TELO2: variants seen among roughly 807,000 people sequenced by gnomAD.
The protein encoded by TELO2 is telomere length regulation protein TEL2 homolog.
Under a neutral mutation model 91.0 loss-of-function variants are expected in TELO2, and 71 were observed. The observed-to-expected ratio is 0.78, with a 90% CI of 0.64 to 0.95. TELO2 has a LOEUF of 0.95. Ranked by LOEUF, TELO2 falls within the 40% of genes least tolerant of loss-of-function variation. The pLI is 0.00. For missense variants in TELO2, 1,183 were observed against 1,141.3 expected (o/e 1.04, Z -0.53); for synonymous variants, 584 against 518.9 (o/e 1.13, Z -1.71).
At chr16:1,504,433 C>CAAAAAAA (rs1197074771) in intron 15 of TELO2, among the ~76,000 whole-genome samples, 1 of 26,924 alleles carries the variant, frequency 3.7e-5, no homozygotes, top group East Asian at 9.9e-4. Flanking sequence ...GACTCCATCT[C>CAAAAAAA]AAAAAAAAAA....
Position 1,510,050 on chromosome 16 carries a change from G to A in TELO2, c.*114G>A, listed in dbSNP as rs549879764. The A allele has an allele frequency of 7.6e-5, 66 of 864,982 alleles. No individual in the cohort carries two copies. The highest frequency in any genetic ancestry group is 6.0e-4 in the South Asian group (37 of 62,184). 53.6% of individuals were successfully genotyped at this position (864,982 alleles called of 1,614,324 possible). A position where few individuals can be genotyped will look rare whatever the true frequency, so the allele number is the denominator to read the frequency against. ...CGAGGCCAGGTCTTCGGCCGCATCCGGTACGGAGAGTGCAGATGCAGGAAG... is the reference window on the plus strand; with the variant it reads ...CGAGGCCAGGTCTTCGGCCGCATCCAGTACGGAGAGTGCAGATGCAGGAAG... On this transcript the variant is annotated 3_prime_UTR_variant, in exon 21 of 21. Coordinates refer to ENST00000262319, the MANE Select transcript of TELO2 (RefSeq NM_016111.4).
chr16:1,502,148 C>T lies in TELO2; in HGVS notation c.1561+13C>T, dbSNP rs1596261859. On this transcript the variant is annotated intron_variant, in intron 12 of 20. Transcript: ENST00000262319. ...GACTGCGTGGAAGGTGGGCACGGGC[C>T]CCTGGAGGGCCTTGCTGGGCTGGGC... is the stretch of plus-strand genomic sequence containing the variant. 6.2e-7 allele frequency: 1 copy of T among 1,612,394 alleles called. No homozygotes were observed. The highest frequency in any genetic ancestry group is 8.5e-7 in the Non-Finnish European group (1 of 1,179,860).
At position 1,494,396 on chromosome 16, in the gene TELO2, C is replaced by G; in HGVS notation, c.115C>G (p.Leu39Val). 2 of 1,613,600 alleles carry G rather than the reference C, an allele frequency of 1.2e-6. No homozygotes were observed. Among genetic ancestry groups the G allele is most frequent in the Non-Finnish European group, 1.7e-6 (2 of 1,180,010 alleles). The change falls in exon 2 of 21, where the codon CTC becomes GTC. Residue 39 changes from leucine to valine, a missense_variant. Coordinates refer to ENST00000262319, the MANE Select transcript of TELO2 (RefSeq NM_016111.4). This position sits in a 1 kb window ranked among gnomAD's most constrained non-coding sequence, Gnocchi z 5.6. ...FCTLESLKRYLGEMEPPALPR... is the reference protein window; with the variant it reads ...FCTLESLKRYVGEMEPPALPR... Reference sequence around the variant, plus strand: ...CACCCTGGAGTCCCTGAAGCGGTATCTCGGTGAGATGGAGCCTCCAGCGCT... The same window carrying G: ...CACCCTGGAGTCCCTGAAGCGGTATGTCGGTGAGATGGAGCCTCCAGCGCT...
At position 1,505,596 on chromosome 16, in the gene TELO2, T is replaced by C. The variant is rs771179114; in HGVS notation, c.2029T>C (p.Ser677Pro). 1 of 1,490,826 alleles carries C rather than the reference T, an allele frequency of 6.7e-7. No homozygotes were observed. Among genetic ancestry groups the C allele is most frequent in the Admixed American group, 1.8e-5 (1 of 56,688 alleles). The allele number at this position is 1,490,826 out of a possible 1,614,324, so 92.3% of individuals were successfully genotyped here. The change falls in exon 16 of 21, where the codon TCC becomes CCC. Residue 677 changes from serine to proline, a missense_variant. Physicochemically the swap from Ser to Pro is moderately conservative, Grantham distance 74 (BLOSUM62 -1). Coordinates refer to ENST00000262319, the MANE Select transcript of TELO2 (RefSeq NM_016111.4). This position sits in a 1 kb window ranked among gnomAD's most constrained non-coding sequence, Gnocchi z 4.3. ...GATCAGAAGCAAGACCCAGCGGCTC[T>C]CCAAGGTTAGTGGCGCCTGGTCAGC... ...ERIRSKTQRL[S>P]KGGPRQGPAG...
At chr16:1,507,152 G>A in intron 18 of TELO2, 101 bp downstream of exon 18, 3 of 1,494,564 alleles carry the variant, frequency 2.0e-6, no homozygotes, top group Non-Finnish European at 2.7e-6. Flanking sequence ...TGAGGGAGGG[G>A]CTGCCTGTGT....
At chr16:1,500,043 G>A (rs909767361) in intron 6 of TELO2, 53 bp from the exon 7 acceptor site, 43 of 1,570,832 alleles carry the variant, frequency 2.7e-5, no homozygotes, top group Non-Finnish European at 3.4e-5. Context: ...GGAGCCCCGG[G>A]CTGGCCAGGC....
In TELO2 at chr16:1,505,345, C is replaced by T; in HGVS notation, c.1843-65C>T. 1.9e-6 allele frequency: 3 copies of T among 1,544,166 alleles called. No homozygotes were observed. The highest frequency in any genetic ancestry group is 2.0e-4 in the Middle Eastern group (1 of 5,032). On this transcript the variant is annotated intron_variant, in intron 15 of 20. Transcript: ENST00000262319. The surrounding 1 kb of genome is among the most constrained non-coding windows in gnomAD (Gnocchi z 4.3). ...GGCCCGTTTCTGGGGCTTTGGCTGA[C>T]TTGACTCTTGGGAAATGTTCTTCCC...
Position 1,494,895 on chromosome 16 carries a change from G to A in TELO2, c.335+279G>A, listed in dbSNP as rs113942377. On this transcript the variant is annotated intron_variant, in intron 2 of 20. Transcript: ENST00000262319. The surrounding 1 kb of genome is among the most constrained non-coding windows in gnomAD (Gnocchi z 5.6). Reference sequence around the variant, plus strand: ...ACATCCCAGGCGGCAGAGGCAGCCCGTCAGCTGGGGACGTTCCAGGTTTTC... The same window carrying A: ...ACATCCCAGGCGGCAGAGGCAGCCCATCAGCTGGGGACGTTCCAGGTTTTC... Among the ~76,000 whole-genome samples the A allele has an allele frequency of 2.6e-5, 4 of 152,312 alleles. No individual in the cohort carries two copies. The highest frequency in any genetic ancestry group is 3.9e-4 in the East Asian group (2 of 5,188).
chr16:1,507,232 G>A (rs993150651), intron 18 of TELO2, 74 bp from the exon 19 acceptor site: 40 of 1,569,096 alleles, frequency 2.5e-5, no homozygotes, highest in African/African-American at 8.1e-5. Flanking sequence ...GCCCAGCAGC[G>A]GAAGCCGCCC....
Position 1,507,884 on chromosome 16 carries a change from G to A in TELO2, c.2407+168G>A, listed in dbSNP as rs909859992. Reference sequence around the variant, plus strand: ...TGTGTGTGTGTGTGTGTGTGTGTGTGTGTGTGTGTGATGTGTGTCGGCCCG... The same window carrying A: ...TGTGTGTGTGTGTGTGTGTGTGTGTATGTGTGTGTGATGTGTGTCGGCCCG... On this transcript the variant is annotated intron_variant, in intron 20 of 20. Coordinates refer to ENST00000262319, the MANE Select transcript of TELO2 (RefSeq NM_016111.4). Among the ~76,000 whole-genome samples the A allele has an allele frequency of 7.6e-3, 800 of 105,814 alleles. 12 individuals carry two copies. The highest frequency in any genetic ancestry group is 0.036 in the African/African-American group (764 of 21,106). 69.4% of individuals were successfully genotyped at this position (105,814 alleles called of 152,430 possible).
At chr16:1,500,722 G>A (rs746897652) in intron 9 of TELO2, 23 bp downstream of exon 9, 35 of 1,609,824 alleles carry the variant, frequency 2.2e-5, no homozygotes, top group African/African-American at 4.0e-5. Flanking sequence ...TCCCCTCCGC[G>A]TCCCCGTGTG....
intron 3 of TELO2, among the ~76,000 whole-genome samples, chr16:1,496,798 A>G (rs1366430988): frequency 6.6e-6 from 1 of 152,154 alleles, no homozygotes; most frequent in Non-Finnish European, 1.5e-5. Flanking sequence ...CTCCTACACC[A>G]TCGTGACGAT....
At chr16:1,496,920 G>C (rs1337347028) in intron 3 of TELO2, 116 bp from the exon 4 acceptor site, 12 of 996,176 alleles carry the variant, frequency 1.2e-5, no homozygotes, top group Non-Finnish European at 1.8e-5. Context: ...CCGTTGTTTT[G>C]AGTGAGTTTT....
Position 1,494,114 on chromosome 16 carries a change from G to GAA in TELO2, c.-36-131_-36-130dup. ...GTGGAAACCGGCAGGCACTGGAGGG[G>GAA]AAGGAGGCGGGACAGGGTTGGGTGG... is the stretch of plus-strand genomic sequence containing the variant. On this transcript the variant is annotated intron_variant, in intron 1 of 20. Transcript: ENST00000262319. The surrounding 1 kb of genome is among the most constrained non-coding windows in gnomAD (Gnocchi z 5.6). 1 of 627,932 alleles carries GAA rather than the reference G, an allele frequency of 1.6e-6. No homozygotes were observed. Among genetic ancestry groups the GAA allele is most frequent in the South Asian group, 2.0e-5 (1 of 50,740 alleles). 38.9% of individuals were successfully genotyped at this position (627,932 alleles called of 1,614,324 possible). A position where few individuals can be genotyped will look rare whatever the true frequency, so the allele number is the denominator to read the frequency against.
chr16:1,496,493 T>C (rs1482362048), intron 3 of TELO2, among the ~76,000 whole-genome samples: 1 of 152,248 alleles, frequency 6.6e-6, no homozygotes, highest in African/African-American at 2.4e-5. Flanking sequence ...ACATGTGGAA[T>C]GCGGCTTTTT....
intron 6 of TELO2, among the ~76,000 whole-genome samples, chr16:1,499,630 G>T (rs947122070): frequency 6.6e-6 from 1 of 152,092 alleles, no homozygotes; most frequent in African/African-American, 2.4e-5. Flanking sequence ...GTGGGGGATA[G>T]GTGAGGACAC....
chr16:1,496,355 C>T (rs2039492911), intron 3 of TELO2, among the ~76,000 whole-genome samples: 1 of 152,202 alleles, frequency 6.6e-6, no homozygotes, highest in Non-Finnish European at 1.5e-5. Context: ...CAAGCCCCCT[C>T]GCCTCACCTG....
At chr16:1,507,078 C>A in intron 18 of TELO2, 27 bp downstream of exon 18, 1 of 1,578,370 alleles carries the variant, frequency 6.3e-7, no homozygotes. Flanking sequence ...CGCCGGGCGC[C>A]GGCCTGTGCT....
rs369850581 is a variant in TELO2, at chr16:1,507,755, C to T, written c.2407+39C>T. ...TGCGGTGTGTGTGTGAGATGTGTGT[C>T]GGCCCGGGGTGTGTGTGTATGTGTG... On this transcript the variant is annotated intron_variant, in intron 20 of 20. Transcript: ENST00000262319. The T allele has an allele frequency of 5.0e-5, 71 of 1,424,212 alleles. No homozygotes were observed. In the African/African-American group the frequency reaches 8.5e-4, roughly 17 times the overall value. The allele number at this position is 1,424,212 out of a possible 1,614,324, so 88.2% of individuals were successfully genotyped here.
Sources: allele counts gnomAD v4.1 joint callset (sites outside exome capture counted in the v4.1 genomes callset), GRCh38; gene constraint gnomAD v4.1.1; non-coding constraint Gnocchi (gnomAD v3.1); transcripts MANE v1.5; gene names NCBI Gene and HGNC (gene_info 2026-07-23, HGNC 2026-07-21).